Variants in EVA1C observed in about 807,000 individuals in gnomAD.
EVA1C encodes eva-1 homolog C.
In EVA1C, 25 loss-of-function variants were observed where a neutral mutation model predicts 45.4. The observed-to-expected ratio is 0.55, with a 90% CI of 0.40 to 0.77. The LOEUF is 0.77. Ranked by LOEUF, EVA1C falls within the 30% of genes least tolerant of loss-of-function variation. The probability of loss-of-function intolerance (pLI) is 0.00; values close to 1 mark genes in which losing one functional copy is unlikely to be tolerated. For missense variants in EVA1C, 479 were observed against 554.8 expected, an observed-to-expected ratio of 0.86 and a Z score of 1.37; for synonymous variants, 190 against 221.2, an observed-to-expected ratio of 0.86 and a Z score of 1.25.
rs542841202 is a variant in EVA1C at position 32,514,748 on chromosome 21, G to C, written c.950-66G>C. ...TGCTTGGGCAGACATCTGTTTCTGT[G>C]GGACTTGGCACTGGTGGAGTCTGCC... On this transcript the variant is annotated intron_variant, in intron 7 of 7. Coordinates refer to ENST00000300255, the MANE Select transcript of EVA1C (RefSeq NM_058187.5). 81 of 1,480,236 alleles carry C rather than the reference G, an allele frequency of 5.5e-5. No homozygotes were observed. The South Asian group carries it at 1.0e-3, about 19-fold the overall frequency. The allele number at this position is 1,480,236 out of a possible 1,614,324, so 91.7% of individuals were successfully genotyped here. A position where few individuals can be genotyped will look rare whatever the true frequency, so the allele number is the denominator to read the frequency against.
chr21:32,458,625 G>T (rs1172513487), intron 3 of EVA1C, among the ~76,000 whole-genome samples: 1 of 151,986 alleles, frequency 6.6e-6, no homozygotes, highest in Non-Finnish European at 1.5e-5. Context: ...GGGACTACAG[G>T]CATGCACCAC....
rs1170741555 is a variant in EVA1C, at chr21:32,515,102, T to C, written c.1238T>C (p.Ile413Thr). The change falls in exon 8 of 8, where the codon ATT (isoleucine) becomes ACT (threonine). Residue 413 changes from isoleucine to threonine, a missense_variant. This residue lies in a region of EVA1C where 366 missense variants were observed against 426.1 expected (regional missense o/e 0.86). Transcript: ENST00000300255. ...GAAGCTGCAGAGCTCGCAGAAAGGATTGAGCGCAGGGAGCAAATCATTCAG... is the reference window on the plus strand; with the variant it reads ...GAAGCTGCAGAGCTCGCAGAAAGGACTGAGCGCAGGGAGCAAATCATTCAG... ...SIEAAELAER[I>T]ERREQIIQEI... is the part of the protein sequence containing the mutation. The C allele has an allele frequency of 1.2e-6, 2 of 1,613,992 alleles. No homozygotes were observed. Among genetic ancestry groups the C allele is most frequent in the East Asian group, 2.2e-5 (1 of 44,890 alleles).
chr21:32,436,651 G>A (rs1354077568), intron 1 of EVA1C, among the ~76,000 whole-genome samples: 1 of 152,282 alleles, frequency 6.6e-6, no homozygotes, highest in Non-Finnish European at 1.5e-5. Flanking sequence ...TCTTGGTGCT[G>A]TCAGCATCTC....
chr21:32,480,597 A>T (rs2036744477), intron 4 of EVA1C, among the ~76,000 whole-genome samples: 1 of 152,144 alleles, frequency 6.6e-6, no homozygotes, highest in African/African-American at 2.4e-5. Context: ...AAGGCCAGGG[A>T]GTCAAGGCTG....
At chr21:32,420,083 C>T (rs1327215428) in intron 1 of EVA1C, among the ~76,000 whole-genome samples, 1 of 152,174 alleles carries the variant, frequency 6.6e-6, no homozygotes, top group Non-Finnish European at 1.5e-5. Context: ...ACCGGCTCAG[C>T]AGAGGCAGTA....
At chr21:32,493,157 T>C (rs538373378) in intron 4 of EVA1C, among the ~76,000 whole-genome samples, 1 of 152,330 alleles carries the variant, frequency 6.6e-6, no homozygotes, top group East Asian at 1.9e-4. Context: ...ATATTATAAG[T>C]GAATGGAACT....
At chr21:32,471,698 A>G (rs1601355960) in intron 4 of EVA1C, among the ~76,000 whole-genome samples, 1 of 149,996 alleles carries the variant, frequency 6.7e-6, no homozygotes. Flanking sequence ...GTGCGATCTC[A>G]GCTCACTGCA....
intron 6 of EVA1C, 49 bp from the exon 7 acceptor site, chr21:32,503,877 G>A (rs760602206): frequency 1.9e-5 from 26 of 1,339,792 alleles, no homozygotes; most frequent in South Asian, 6.1e-5. Flanking sequence ...TAGAATAGGC[G>A]TACTATGAAC....
chr21:32,510,850 CAA>C (rs1168818445), intron 7 of EVA1C, among the ~76,000 whole-genome samples: 9 of 152,142 alleles, frequency 5.9e-5, no homozygotes, highest in African/African-American at 2.2e-4. Context: ...GCCCGGGCAA[CAA>C]AGTCAGACCT....
At chr21:32,479,985 A>C (rs1457759982) in intron 4 of EVA1C, among the ~76,000 whole-genome samples, 2 of 152,128 alleles carry the variant, frequency 1.3e-5, no homozygotes, top group Non-Finnish European at 2.9e-5. Flanking sequence ...TTTCTGGATA[A>C]GTTTGGCAGT....
Position 32,453,513 on chromosome 21 carries a change from T to C in EVA1C, c.357+5T>C, listed in dbSNP as rs1267242095. 1 of 1,596,140 alleles carries C rather than the reference T, an allele frequency of 6.3e-7. No individual in the cohort carries two copies. The highest frequency in any genetic ancestry group is 1.7e-5 in the Admixed American group (1 of 59,768). The stretch of plus-strand genomic sequence containing the variant: ...GTGGCAGCCACCACCTTCCAGGTAT[T>C]GCCTTTTGTAGACATGTTAAGATGA... On this transcript the variant is annotated splice_donor_5th_base_variant and intron_variant, in intron 2 of 7. Transcript: ENST00000300255.
At chr21:32,460,899 C>T (rs1217637696) in intron 3 of EVA1C, among the ~76,000 whole-genome samples, 1 of 152,136 alleles carries the variant, frequency 6.6e-6, no homozygotes, top group African/African-American at 2.4e-5. Context: ...GCATACACCA[C>T]CACACCTGGC....
intron 7 of EVA1C, among the ~76,000 whole-genome samples, chr21:32,511,442 G>GAAAA (rs1038606081): frequency 1.0e-5 from 1 of 96,264 alleles, no homozygotes; most frequent in Non-Finnish European, 2.1e-5. Flanking sequence ...AAAAAAAAAA[G>GAAAA]AAAGAAAGAA....
intron 4 of EVA1C, among the ~76,000 whole-genome samples, chr21:32,490,293 C>T (rs1215108887): frequency 6.6e-6 from 1 of 152,218 alleles, no homozygotes; most frequent in African/African-American, 2.4e-5. Context: ...GATTTCACTA[C>T]TCTAGGTCCA....
chr21:32,507,793 T>G (rs559535537), intron 7 of EVA1C, among the ~76,000 whole-genome samples: 1 of 151,154 alleles, frequency 6.6e-6, no homozygotes. Flanking sequence ...TCTGTGCATA[T>G]GTGTATCTCT....
intron 4 of EVA1C, among the ~76,000 whole-genome samples, chr21:32,476,854 C>T (rs949476693): frequency 3.9e-5 from 6 of 152,062 alleles, no homozygotes; most frequent in African/African-American, 1.4e-4. Flanking sequence ...CCCCCATCTG[C>T]GTCAAGAAAG....
At chr21:32,463,431 A>G (rs2036070185) in intron 3 of EVA1C, among the ~76,000 whole-genome samples, 1 of 152,206 alleles carries the variant, frequency 6.6e-6, no homozygotes, top group Admixed American at 6.5e-5. Flanking sequence ...GTAGTTTCCT[A>G]ATTTTTTATA....
chr21:32,459,777 G>A (rs2035929216), intron 3 of EVA1C, among the ~76,000 whole-genome samples: 1 of 146,110 alleles, frequency 6.8e-6, no homozygotes, highest in South Asian at 2.2e-4. Flanking sequence ...GGAGGCAGAG[G>A]TTGCGGTGAG....
intron 3 of EVA1C, among the ~76,000 whole-genome samples, chr21:32,461,618 C>T (rs2035999664): frequency 6.6e-6 from 1 of 152,230 alleles, no homozygotes; most frequent in Admixed American, 6.5e-5. Context: ...CAGTTATGCA[C>T]ATGTCTTACC....
Sources: allele counts gnomAD v4.1 joint callset (sites outside exome capture counted in the v4.1 genomes callset), GRCh38; gene constraint gnomAD v4.1.1; regional missense constraint gnomAD v4.1.1; transcripts MANE v1.5; gene names NCBI Gene and HGNC (gene_info 2026-07-23, HGNC 2026-07-21).